Variants in BCAS4 observed in about 807,000 individuals in gnomAD.
The protein encoded by BCAS4 is breast carcinoma-amplified sequence 4.
Under a neutral mutation model 15.7 loss-of-function variants are expected in BCAS4, and 9 were observed. The observed-to-expected ratio is 0.57, with a 90% CI of 0.34 to 1.00. BCAS4 has a LOEUF of 1.00. Among genes scored for constraint, BCAS4 ranks in the 50% least tolerant of loss-of-function variants. The pLI is 0.02. For missense variants in BCAS4, 225 were observed against 239.1 expected (o/e 0.94, Z 0.39); for synonymous variants, 101 against 99.5 (o/e 1.02, Z -0.09).
chr20:50,858,026 T>A (rs1202105512), intron 4 of BCAS4, among the ~76,000 whole-genome samples: 9 of 152,124 alleles, frequency 5.9e-5, no homozygotes, highest in Admixed American at 5.9e-4. Context: ...AGCCTGCTTG[T>A]CTGCTCCGGG....
At chr20:50,799,191 G>T (rs936018156) in intron 1 of BCAS4, among the ~76,000 whole-genome samples, 3 of 152,088 alleles carry the variant, frequency 2.0e-5, no homozygotes, top group African/African-American at 7.2e-5. Flanking sequence ...GCTTCATTTT[G>T]TCTCTATTAG....
intron 4 of BCAS4, among the ~76,000 whole-genome samples, chr20:50,872,819 AGGCTT>A (rs1979724861): frequency 6.6e-6 from 1 of 152,210 alleles, no homozygotes; most frequent in Non-Finnish European, 1.5e-5. Context: ...CCAAGGTGTC[AGGCTT>A]GGGCCTGAGT....
intron 1 of BCAS4, 79 bp downstream of exon 1, chr20:50,795,252 G>A (rs767425001): frequency 2.4e-6 from 3 of 1,225,306 alleles, no homozygotes; most frequent in Admixed American, 3.9e-5. Context: ...GGCTTCCCCG[G>A]AGCATCCTCT....
At chr20:50,828,047 T>C (rs982541346) in intron 2 of BCAS4, among the ~76,000 whole-genome samples, 1 of 151,940 alleles carries the variant, frequency 6.6e-6, no homozygotes, top group Non-Finnish European at 1.5e-5. Context: ...TTTTTTTTTT[T>C]TTCAAAATAT....
intron 4 of BCAS4, among the ~76,000 whole-genome samples, chr20:50,859,960 G>T (rs1039708703): frequency 6.6e-6 from 1 of 151,980 alleles, no homozygotes; most frequent in Non-Finnish European, 1.5e-5. Context: ...GGCAACATAG[G>T]GAGACCCCCA....
At chr20:50,827,822 G>T (rs1459685832) in intron 2 of BCAS4, among the ~76,000 whole-genome samples, 2 of 152,172 alleles carry the variant, frequency 1.3e-5, no homozygotes, top group Admixed American at 1.3e-4. Flanking sequence ...TGTTTACCGG[G>T]TTTAAGCGAT....
chr20:50,820,904 G>A (rs2088205313), intron 2 of BCAS4, among the ~76,000 whole-genome samples: 1 of 151,962 alleles, frequency 6.6e-6, no homozygotes, highest in Non-Finnish European at 1.5e-5. Context: ...TTTCTGGGGG[G>A]GAAAAAAGCA....
intron 1 of BCAS4, among the ~76,000 whole-genome samples, chr20:50,804,630 T>G (rs2087968433): frequency 2.0e-5 from 3 of 152,164 alleles, no homozygotes; most frequent in African/African-American, 7.2e-5. Context: ...CAAGATTGAG[T>G]GCGTTTAGGG....
chr20:50,840,793 A>C (rs1228169358), intron 3 of BCAS4: 39 of 1,398,858 alleles, frequency 2.8e-5, no homozygotes, highest in Non-Finnish European at 3.9e-5. Context: ...GAACGAGCGA[A>C]GTCTGGTCTG....
At chr20:50,813,197 T>C (rs1044668850) in intron 1 of BCAS4, among the ~76,000 whole-genome samples, 8 of 152,212 alleles carry the variant, frequency 5.3e-5, no homozygotes, top group African/African-American at 1.9e-4. Flanking sequence ...GGACTGGTTT[T>C]CAGAGCAGCT....
chr20:50,808,211 T>C (rs6063563), intron 1 of BCAS4, among the ~76,000 whole-genome samples: 63,518 of 152,106 alleles, frequency 0.42, 15,458 homozygotes, highest in African/African-American at 0.69. Context: ...CGCGCCCGGC[T>C]GTGCCACATA....
At chr20:50,864,588 G>A (rs1017123032) in intron 4 of BCAS4, among the ~76,000 whole-genome samples, 21 of 151,664 alleles carry the variant, frequency 1.4e-4, no homozygotes, top group African/African-American at 4.8e-4. Flanking sequence ...ACAGGTGCAC[G>A]CCACCATACC....
chr20:50,834,729 G>T (rs1451833489), intron 3 of BCAS4, among the ~76,000 whole-genome samples: 1 of 152,256 alleles, frequency 6.6e-6, no homozygotes, highest in Non-Finnish European at 1.5e-5. Context: ...CCAGCCCCCG[G>T]CTCTGGCAAC....
intron 4 of BCAS4, among the ~76,000 whole-genome samples, chr20:50,872,151 C>G (rs1278219027): frequency 2.6e-5 from 4 of 151,118 alleles, no homozygotes; most frequent in Non-Finnish European, 1.5e-5. Flanking sequence ...GTAATCCCAG[C>G]TACTCAGGAG....
At chr20:50,861,421 G>A (rs1229167214) in intron 4 of BCAS4, among the ~76,000 whole-genome samples, 5 of 152,244 alleles carry the variant, frequency 3.3e-5, no homozygotes, top group Non-Finnish European at 7.3e-5. Context: ...TGGAGGGGCT[G>A]GACCAGAGCT....
chr20:50,813,582 G>A (rs2088098617), intron 1 of BCAS4, among the ~76,000 whole-genome samples: 1 of 151,526 alleles, frequency 6.6e-6, no homozygotes, highest in South Asian at 2.1e-4. Context: ...AGGTGGGAGA[G>A]AAGAGTCAAG....
intron 1 of BCAS4, among the ~76,000 whole-genome samples, chr20:50,800,506 G>A (rs1489171523): frequency 5.3e-5 from 8 of 151,698 alleles, no homozygotes; most frequent in African/African-American, 1.9e-4. Flanking sequence ...CCAGGGCCTC[G>A]GGTTTTCTGT....
chr20:50,795,153 A>AC lies in BCAS4; in HGVS notation c.75dup (p.Glu26ArgfsTer28). 1 of 1,462,092 alleles carries AC rather than the reference A, an allele frequency of 6.8e-7. No individual in the cohort carries two copies. Among genetic ancestry groups the AC allele is most frequent in the South Asian group, 1.3e-5 (1 of 75,954 alleles). 90.6% of individuals were successfully genotyped at this position (1,462,092 alleles called of 1,614,324 possible). On this transcript the variant is annotated frameshift_variant, in exon 1 of 5. Coordinates refer to ENST00000371608, the MANE Select transcript of BCAS4 (RefSeq NM_198799.4). LOFTEE classifies it high-confidence loss of function. ...GGCGCGCGAGCTCGCGCTCTTCCTG[A>AC]CCCCCGAGCCTGGGGCCGAGGTAGG...
downstream of BCAS4, chr20:50,881,531 C>T (rs1486575195): frequency 6.6e-6 from 1 of 152,150 alleles, no homozygotes; most frequent in Non-Finnish European, 1.5e-5. Flanking sequence ...AGGCTATGAA[C>T]AGGAGTTTCA....
Sources: allele counts gnomAD v4.1 joint callset (sites outside exome capture counted in the v4.1 genomes callset), GRCh38; gene constraint gnomAD v4.1.1; transcripts MANE v1.5; gene names NCBI Gene and HGNC (gene_info 2026-07-23, HGNC 2026-07-21).